The following PLEKHG1 variants were observed in gnomAD, a reference collection of about 807,000 sequenced individuals.
The protein encoded by PLEKHG1 is pleckstrin homology domain-containing family G member 1.
In PLEKHG1, 44 loss-of-function variants were observed where a neutral mutation model predicts 100.8. That is an observed-to-expected ratio of 0.44 (90% CI 0.34 to 0.56). PLEKHG1 has a LOEUF of 0.56. PLEKHG1 is among the 20% of genes least tolerant of loss of function. The pLI is 0.01. For missense variants in PLEKHG1, 1,545 were observed against 1,720.9 expected, an observed-to-expected ratio of 0.90 and a Z score of 1.81; for synonymous variants, 640 against 662.5, an observed-to-expected ratio of 0.97 and a Z score of 0.52.
intron 1 of PLEKHG1, among the ~76,000 whole-genome samples, chr6:150,610,638 A>G (rs1354409883): frequency 6.6e-6 from 1 of 152,264 alleles, no homozygotes; most frequent in East Asian, 1.9e-4. Flanking sequence ...AAAAAAGAGC[A>G]GGAAAAGGAA....
intron 3 of PLEKHG1, among the ~76,000 whole-genome samples, chr6:150,714,990 T>C (rs1781371237): frequency 6.6e-6 from 1 of 151,616 alleles, no homozygotes; most frequent in Non-Finnish European, 1.5e-5. Context: ...TTTGTGTTTT[T>C]AGTAGAGACT....
At chr6:150,796,422 G>A (rs1189777785) in intron 5 of PLEKHG1, among the ~76,000 whole-genome samples, 2 of 152,174 alleles carry the variant, frequency 1.3e-5, no homozygotes, top group Non-Finnish European at 2.9e-5. Context: ...TGTTGGTTCA[G>A]TTTTCCTTGC....
chr6:150,733,663 C>T, exon 2 of PLEKHG1: 1 of 1,614,048 alleles, frequency 6.2e-7, no homozygotes, highest in South Asian at 1.1e-5. Context: ...GGCGTTCCTG[C>T]CCTCAAGAAC....
chr6:150,798,987 C>T (rs1348123436), intron 5 of PLEKHG1, among the ~76,000 whole-genome samples: 2 of 152,052 alleles, frequency 1.3e-5, no homozygotes, highest in East Asian at 1.9e-4. Flanking sequence ...GTGATCCACC[C>T]GCCTCGGCCT....
intron 1 of PLEKHG1, chr6:150,605,879 G>A (rs1020863539): frequency 1.3e-4 from 20 of 152,170 alleles, no homozygotes; most frequent in African/African-American, 4.8e-4. Context: ...GTTGTGAAAA[G>A]TGTGTTCTAG....
intron 2 of PLEKHG1, among the ~76,000 whole-genome samples, chr6:150,764,835 T>A (rs1053738547): frequency 6.6e-6 from 1 of 152,196 alleles, no homozygotes; most frequent in Non-Finnish European, 1.5e-5. Flanking sequence ...CTGCCCTCTC[T>A]TGTGAACTGA....
At chr6:150,626,477 C>G (rs1777516874) in intron 1 of PLEKHG1, among the ~76,000 whole-genome samples, 1 of 152,132 alleles carries the variant, frequency 6.6e-6, no homozygotes, top group Non-Finnish European at 1.5e-5. Context: ...GTTGGGGACA[C>G]CAGAACATGT....
chr6:150,660,890 G>A (rs927268903), intron 3 of PLEKHG1, among the ~76,000 whole-genome samples: 4 of 152,130 alleles, frequency 2.6e-5, no homozygotes, highest in Non-Finnish European at 5.9e-5. Flanking sequence ...CATAGAAAAA[G>A]GTGTTTGTGG....
Position 150,628,575 on chromosome 6 carries a change from C to CACACACACACAT in PLEKHG1, c.-203-9503_-203-9502insACACACACATAC, listed in dbSNP as rs754227842. The stretch of plus-strand genomic sequence containing the variant: ...ACACACACACACACACACACACACA[C>CACACACACACAT]ACCCCGTCCTTGCCCTCCTGCACTG... On this transcript the variant is annotated intron_variant, in intron 1 of 3. Coordinates refer to the PLEKHG1 transcript ENST00000367326. Among the ~76,000 whole-genome samples the CACACACACACAT allele has an allele frequency of 5.3e-3, 728 of 137,420 alleles. 30 individuals carry two copies. The highest frequency in any genetic ancestry group is 0.011 in the Middle Eastern group (3 of 262). The allele number at this position is 137,420 out of a possible 152,430, so 90.2% of individuals were successfully genotyped here. A position where few individuals can be genotyped will look rare whatever the true frequency, so the allele number is the denominator to read the frequency against.
At chr6:150,659,906 C>G (rs1466993229) in intron 3 of PLEKHG1, among the ~76,000 whole-genome samples, 4 of 152,180 alleles carry the variant, frequency 2.6e-5, no homozygotes, top group Non-Finnish European at 5.9e-5. Flanking sequence ...GGCACACAGT[C>G]TGGTGCCTTA....
At chr6:150,651,101 A>G (rs1208324303) in intron 3 of PLEKHG1, 2 of 152,222 alleles carry the variant, frequency 1.3e-5, no homozygotes, top group African/African-American at 4.8e-5. Context: ...AACAATTATA[A>G]CAACACACCG....
At chr6:150,819,544 T>TGA in intron 11 of PLEKHG1, 135 bp from the exon 13 acceptor site, 1 of 437,330 alleles carries the variant, frequency 2.3e-6, no homozygotes, top group Non-Finnish European at 4.0e-6. Context: ...TCAGCGTGGG[T>TGA]GACAGAGCAA....
chr6:150,831,625 C>A lies in PLEKHG1; in HGVS notation c.2514C>A (p.Ile838=), dbSNP rs138128005. The change falls in exon 15 of 16, where the codon ATC becomes ATA. Residue 838 remains isoleucine, a synonymous_variant. Coordinates refer to ENST00000358517, the Ensembl canonical transcript of PLEKHG1. This position sits in a 1 kb window ranked among gnomAD's most constrained non-coding sequence, Gnocchi z 4.1. ...AACTGTCCGAAGAAGTAGATGAAATCTGGAATGACCTGGAAAATTACATCA... is the reference window on the plus strand; with the variant it reads ...AACTGTCCGAAGAAGTAGATGAAATATGGAATGACCTGGAAAATTACATCA... 4.1e-5 allele frequency: 66 copies of A among 1,613,918 alleles called. No homozygotes were observed. In the African/African-American group the frequency reaches 7.3e-4, roughly 18 times the overall value.
intron 10 of PLEKHG1, among the ~76,000 whole-genome samples, chr6:150,810,514 A>AAAAGAAAGAAAG (rs370057036): frequency 0.015 from 1,300 of 88,622 alleles, 27 homozygotes; most frequent in African/African-American, 0.035. Context: ...GAAAGAAAGA[A>AAAAGAAAGAAAG]AAAGAAAGAA....
rs541762601 is a variant in PLEKHG1, at chr6:150,709,292, G to T, written c.-98-24292G>T. ...GGAGGTTTCAGTGAGCCGAGATTGCGCCACTGCACTCCAGCCTGGGCGACA... is the reference window on the plus strand; with the variant it reads ...GGAGGTTTCAGTGAGCCGAGATTGCTCCACTGCACTCCAGCCTGGGCGACA... On this transcript the variant is annotated intron_variant, in intron 3 of 3. Coordinates refer to the PLEKHG1 transcript ENST00000367326. Among the ~76,000 whole-genome samples the T allele has an allele frequency of 3.3e-5, 5 of 152,230 alleles. No homozygotes were observed. The South Asian group carries it at 6.2e-4, about 19-fold the overall frequency.
At chr6:150,810,845 C>T (rs1222554372) in intron 10 of PLEKHG1, among the ~76,000 whole-genome samples, 1 of 151,850 alleles carries the variant, frequency 6.6e-6, no homozygotes, top group Non-Finnish European at 1.5e-5. Context: ...CGCTTGAACC[C>T]AGGAGGCGGA....
chr6:150,626,577 G>A (rs1777522220), intron 1 of PLEKHG1, among the ~76,000 whole-genome samples: 1 of 152,178 alleles, frequency 6.6e-6, no homozygotes, highest in Non-Finnish European at 1.5e-5. Flanking sequence ...ATTTTCTGAT[G>A]CTTTAAGGGC....
intron 3 of PLEKHG1, among the ~76,000 whole-genome samples, chr6:150,705,385 A>G (rs1183997436): frequency 6.6e-6 from 1 of 152,274 alleles, no homozygotes; most frequent in Admixed American, 6.5e-5. Flanking sequence ...GAAAAGCACA[A>G]GAATCCCCTG....
At chr6:150,712,807 A>G (rs761945165) in intron 3 of PLEKHG1, among the ~76,000 whole-genome samples, 1 of 152,212 alleles carries the variant, frequency 6.6e-6, no homozygotes, top group Non-Finnish European at 1.5e-5. Context: ...ATTCTCTAAG[A>G]TTAGAAAGTG....
Sources: allele counts gnomAD v4.1 joint callset (sites outside exome capture counted in the v4.1 genomes callset), GRCh38; gene constraint gnomAD v4.1.1; non-coding constraint Gnocchi (gnomAD v3.1); transcripts MANE v1.5; gene names NCBI Gene and HGNC (gene_info 2026-07-23, HGNC 2026-07-21).